Variants in NCOA2 observed in about 807,000 individuals in gnomAD.
NCOA2 encodes the protein class E basic helix-loop-helix protein 75.
In NCOA2, 21 loss-of-function variants were observed where a neutral mutation model predicts 145.1. The ratio of observed to expected loss-of-function variants is 0.14; its 90% confidence interval spans 0.10 to 0.21. The LOEUF is 0.21. Among genes scored for constraint, NCOA2 ranks in the 10% least tolerant of loss-of-function variants. The pLI, the probability that NCOA2 is intolerant of heterozygous loss-of-function variation, is 1.00. For missense variants in NCOA2, 1,472 were observed against 1,837.6 expected (o/e 0.80, Z 3.64); for synonymous variants, 619 against 637.5 (o/e 0.97, Z 0.44).
chr8:70,355,446 G>A (rs1478911619), intron 1 of NCOA2, among the ~76,000 whole-genome samples: 1 of 152,218 alleles, frequency 6.6e-6, no homozygotes, highest in Non-Finnish European at 1.5e-5. Context: ...ATAAAATGAG[G>A]GGGTGAGAAC....
At chr8:70,453,908 A>G in the NCOA2 span, among the ~76,000 whole-genome samples, 1 of 152,344 alleles carries the variant, frequency 6.6e-6, no homozygotes, top group Admixed American at 6.5e-5. Context: ...ATTACATTCT[A>G]TGTGGTGGTA....
intron 1 of NCOA2, among the ~76,000 whole-genome samples, chr8:70,344,386 C>A (rs1808418171): frequency 6.6e-6 from 1 of 152,198 alleles, no homozygotes; most frequent in South Asian, 2.1e-4. Flanking sequence ...TAACAGCAAG[C>A]AGTTCTCAGC....
intron 1 of NCOA2, among the ~76,000 whole-genome samples, chr8:70,359,583 G>A (rs1479597860): frequency 6.6e-6 from 1 of 152,148 alleles, no homozygotes; most frequent in African/African-American, 2.4e-5. Context: ...AGGAAAAACT[G>A]TTTAATGGAT....
intron 2 of NCOA2, among the ~76,000 whole-genome samples, chr8:70,288,294 A>C (rs1303655747): frequency 6.6e-6 from 1 of 152,114 alleles, no homozygotes; most frequent in Non-Finnish European, 1.5e-5. Context: ...AATATGGAGG[A>C]AATAGGCCGG....
the NCOA2 span, among the ~76,000 whole-genome samples, chr8:70,456,068 T>C: frequency 4.6e-5 from 7 of 151,016 alleles, no homozygotes; most frequent in Non-Finnish European, 7.4e-5. Context: ...CATTGTAACA[T>C]TGCGTAGCAA....
intron 8 of NCOA2, 117 bp from the exon 9 acceptor site, chr8:70,162,971 G>C: frequency 7.5e-6 from 8 of 1,070,460 alleles, no homozygotes; most frequent in Non-Finnish European, 1.0e-5. Flanking sequence ...CTGGAGTGCA[G>C]TGGTGCGATC....
chr8:70,390,016 T>C (rs74708717), intron 1 of NCOA2, among the ~76,000 whole-genome samples: 2,479 of 152,338 alleles, frequency 0.016, 69 homozygotes, highest in African/African-American at 0.058. Flanking sequence ...GAGTCACATA[T>C]TATTTCAAGT....
At chr8:70,358,161 A>T (rs750948583) in intron 1 of NCOA2, among the ~76,000 whole-genome samples, 1 of 152,232 alleles carries the variant, frequency 6.6e-6, no homozygotes, top group Non-Finnish European at 1.5e-5. Flanking sequence ...TAGGAGACTT[A>T]ATACTGTTAA....
chr8:70,281,730 A>G (rs1441158172), intron 2 of NCOA2, among the ~76,000 whole-genome samples: 1 of 152,202 alleles, frequency 6.6e-6, no homozygotes, highest in African/African-American at 2.4e-5. Context: ...CCAAGGGTCA[A>G]TGCTCAAGAG....
At chr8:70,405,437 G>GTTTTTTTTTTTTTTTTTTTTTTTTTTT (rs34814735), upstream of NCOA2, among the ~76,000 whole-genome samples, 6 of 59,364 alleles carry the variant, frequency 1.0e-4, 1 homozygote, top group African/African-American at 3.0e-4. Flanking sequence ...ATTTTTAAAG[G>GTTTTTTTTTTTTTTTTTTTTTTTTTTT]TTTTTTTTTT....
chr8:70,116,780 T>A (rs182688790), intron 22 of NCOA2, among the ~76,000 whole-genome samples: 3 of 152,234 alleles, frequency 2.0e-5, no homozygotes, highest in Non-Finnish European at 2.9e-5. Context: ...ACAATCAGCA[T>A]GAAGAAAGTG....
At chr8:70,211,416 G>C (rs545856479) in intron 4 of NCOA2, among the ~76,000 whole-genome samples, 1 of 150,600 alleles carries the variant, frequency 6.6e-6, no homozygotes, top group African/African-American at 2.5e-5. Context: ...CTGAGATCGC[G>C]CCACTGCACT....
intron 1 of NCOA2, among the ~76,000 whole-genome samples, chr8:70,381,883 T>C (rs1190220535): frequency 6.6e-6 from 1 of 152,172 alleles, no homozygotes; most frequent in Admixed American, 6.5e-5. Context: ...AAGCATTTAA[T>C]CTATATAGAT....
intron 2 of NCOA2, among the ~76,000 whole-genome samples, chr8:70,249,003 G>T (rs925121059): frequency 2.6e-5 from 4 of 152,022 alleles, no homozygotes; most frequent in Admixed American, 1.3e-4. Context: ...GGTTCTGCAA[G>T]ATTCTCCACC....
intron 4 of NCOA2, among the ~76,000 whole-genome samples, chr8:70,212,067 AT>A: frequency 1.1e-3 from 1 of 918 alleles, no homozygotes; most frequent in South Asian, 9.4e-3. Context: ...TTTGTGGCGC[AT>A]ATATATATAT....
intron 2 of NCOA2, among the ~76,000 whole-genome samples, chr8:70,265,673 T>C (rs1378583038): frequency 2.0e-5 from 3 of 152,220 alleles, no homozygotes. Flanking sequence ...TCAGAGACAC[T>C]CAGTCCATTT....
At chr8:70,349,573 T>C (rs928062944) in intron 1 of NCOA2, among the ~76,000 whole-genome samples, 1 of 152,114 alleles carries the variant, frequency 6.6e-6, no homozygotes, top group African/African-American at 2.4e-5. Flanking sequence ...ATAAAAAGTA[T>C]TGATAACCCC....
intron 4 of NCOA2, among the ~76,000 whole-genome samples, chr8:70,184,362 A>C (rs1240079268): frequency 5.9e-5 from 9 of 152,306 alleles, no homozygotes; most frequent in African/African-American, 1.9e-4. Context: ...AGCCACTCAC[A>C]GCTCTTAAGA....
intron 2 of NCOA2, among the ~76,000 whole-genome samples, chr8:70,265,415 T>C (rs543073174): frequency 6.6e-6 from 1 of 152,284 alleles, no homozygotes; most frequent in African/African-American, 2.4e-5. Flanking sequence ...TATTTTGTTA[T>C]GACAGCACGA....
Sources: allele counts gnomAD v4.1 joint callset (sites outside exome capture counted in the v4.1 genomes callset), GRCh38; gene constraint gnomAD v4.1.1; transcripts MANE v1.5; gene names NCBI Gene and HGNC (gene_info 2026-07-23, HGNC 2026-07-21).